Variants in USP31 observed in about 807,000 individuals in gnomAD.
The protein encoded by USP31 is ubiquitin carboxyl-terminal hydrolase 31.
In USP31, 44 loss-of-function variants were observed where a neutral mutation model predicts 119.4. That is an observed-to-expected ratio of 0.37 (90% CI 0.29 to 0.47). The LOEUF (loss-of-function observed/expected upper bound fraction) is 0.47. USP31 is among the 20% of genes least tolerant of loss of function. The probability of loss-of-function intolerance (pLI) is 0.99; values close to 1 mark genes in which losing one functional copy is unlikely to be tolerated. For synonymous variants in USP31, 749 were observed against 705.6 expected (o/e 1.06, Z -0.97); for missense variants, 1,643 against 1,730.2 (o/e 0.95, Z 0.89).
At chr16:23,112,165 T>G (rs1446766974) in intron 1 of USP31, among the ~76,000 whole-genome samples, 1 of 152,116 alleles carries the variant, frequency 6.6e-6, no homozygotes, top group Non-Finnish European at 1.5e-5. Context: ...CAGAAACAGG[T>G]ACACAAGGAG....
chr16:23,087,713 T>C lies in USP31; in HGVS notation c.1527+11A>G, dbSNP rs746406502. On this transcript the variant is annotated intron_variant, in intron 8 of 15. Transcript: ENST00000219689. ...CCCATGCTATGCTGGAATATCAAAATGCTTACAAACCTGAATGCAAACCGT... is the reference window on the plus strand; with the variant it reads ...CCCATGCTATGCTGGAATATCAAAACGCTTACAAACCTGAATGCAAACCGT... 2.5e-6 allele frequency: 4 copies of C among 1,612,174 alleles called. No homozygotes were observed. Among genetic ancestry groups the C allele is most frequent in the South Asian group, 1.1e-5 (1 of 91,024 alleles).
intron 1 of USP31, among the ~76,000 whole-genome samples, chr16:23,136,169 G>T (rs1024095082): frequency 5.9e-5 from 9 of 151,940 alleles, no homozygotes; most frequent in African/African-American, 2.2e-4. Flanking sequence ...GAATAAAGTT[G>T]GACCCTTACC....
intron 7 of USP31, among the ~76,000 whole-genome samples, chr16:23,089,499 T>C (rs918704769): frequency 1.3e-5 from 2 of 152,222 alleles, no homozygotes; most frequent in Non-Finnish European, 2.9e-5. Flanking sequence ...CCCAACACAC[T>C]GTAAACACTA....
At chr16:23,115,419 A>C (rs1283806337) in intron 1 of USP31, among the ~76,000 whole-genome samples, 1 of 152,236 alleles carries the variant, frequency 6.6e-6, no homozygotes, top group Non-Finnish European at 1.5e-5. Context: ...GCACGTTGGG[A>C]GGCCAAGGCA....
intron 1 of USP31, among the ~76,000 whole-genome samples, chr16:23,137,158 A>G (rs1245498302): frequency 6.6e-6 from 1 of 152,228 alleles, no homozygotes; most frequent in African/African-American, 2.4e-5. Context: ...GGATGCAGTG[A>G]GCCATTACTG....
chr16:23,067,871 T>C lies in USP31; in HGVS notation c.*175A>G, dbSNP rs922527547. The C allele has an allele frequency of 1.4e-5, 11 of 813,722 alleles. No individual in the cohort carries two copies. The highest frequency in any genetic ancestry group is 2.3e-5 in the South Asian group (1 of 44,098). 50.4% of individuals were successfully genotyped at this position (813,722 alleles called of 1,614,324 possible). ...TTCAATGGCAGAATAAGGCGACGCT[T>C]TGAACAATTTGCAATTGAATTAGAC... On this transcript the variant is annotated 3_prime_UTR_variant, in exon 16 of 16. Transcript: ENST00000219689.
At chr16:23,101,669 G>A (rs920897087) in intron 6 of USP31, among the ~76,000 whole-genome samples, 1 of 152,018 alleles carries the variant, frequency 6.6e-6, no homozygotes, top group Non-Finnish European at 1.5e-5. Flanking sequence ...TAACCACTGG[G>A]GTAGAGCAAA....
rs868656875 is a variant in USP31, at chr16:23,101,502, G to A, written c.1234+817C>T. 4.6e-5 allele frequency among the ~76,000 whole-genome samples: 7 copies of A among 152,246 alleles called. 1 individual carries two copies. The highest frequency in any genetic ancestry group is 3.4e-3 in the Middle Eastern group (1 of 294). The stretch of plus-strand genomic sequence containing the variant: ...GGAATTCAGCTCAAAAAATCAAGGC[G>A]TGGAAAATCCTGATAAGAGCGGCAG... On this transcript the variant is annotated intron_variant, in intron 6 of 15. Coordinates refer to ENST00000219689, the MANE Select transcript of USP31 (RefSeq NM_020718.4).
chr16:23,075,769 G>A (rs989107582), intron 13 of USP31, among the ~76,000 whole-genome samples: 1 of 152,172 alleles, frequency 6.6e-6, no homozygotes, highest in Non-Finnish European at 1.5e-5. Flanking sequence ...GCTAGAAACA[G>A]TGCAAAATAA....
chr16:23,097,393 C>A lies in USP31; in HGVS notation c.1234+4926G>T, dbSNP rs538620960. On this transcript the variant is annotated intron_variant, in intron 6 of 15. Coordinates refer to ENST00000219689, the MANE Select transcript of USP31 (RefSeq NM_020718.4). ...AGTCCAGGACCAGACGGATTCACAG[C>A]CAAATTCTAGGAGCTGGTACCATTC... 2.6e-5 allele frequency among the ~76,000 whole-genome samples: 4 copies of A among 151,270 alleles called. No individual in the cohort carries two copies. In the East Asian group the frequency reaches 7.8e-4, roughly 29 times the overall value.
chr16:23,133,063 A>G (rs189203930), intron 1 of USP31, among the ~76,000 whole-genome samples: 1 of 152,372 alleles, frequency 6.6e-6, no homozygotes, highest in East Asian at 1.9e-4. Flanking sequence ...CCCCTACAGT[A>G]TCACCCAAGA....
intron 1 of USP31, among the ~76,000 whole-genome samples, chr16:23,136,292 T>C (rs1903187996): frequency 6.6e-6 from 1 of 152,160 alleles, no homozygotes; most frequent in African/African-American, 2.4e-5. Context: ...GATTTGGCAA[T>C]GATCTATTGA....
At chr16:23,078,824 C>T (rs1449484678) in intron 13 of USP31, among the ~76,000 whole-genome samples, 1 of 152,078 alleles carries the variant, frequency 6.6e-6, no homozygotes, top group African/African-American at 2.4e-5. Flanking sequence ...AAGAGAAAAA[C>T]ACGTCAAGTA....
chr16:23,092,048 A>G (rs1300874869), intron 6 of USP31, among the ~76,000 whole-genome samples: 1 of 151,830 alleles, frequency 6.6e-6, no homozygotes, highest in Non-Finnish European at 1.5e-5. Context: ...CACAGAAATC[A>G]AGCTCTGTGT....
intron 7 of USP31, among the ~76,000 whole-genome samples, chr16:23,088,133 G>C (rs1011229469): frequency 2.0e-5 from 3 of 152,134 alleles, no homozygotes; most frequent in Non-Finnish European, 4.4e-5. Context: ...GGGTGGGAGT[G>C]GACATGAGCC....
At chr16:23,077,130 T>C (rs1900611003) in intron 13 of USP31, among the ~76,000 whole-genome samples, 1 of 152,236 alleles carries the variant, frequency 6.6e-6, no homozygotes, top group African/African-American at 2.4e-5. Flanking sequence ...ACTTTTGTCT[T>C]CTATGAAGTG....
At chr16:23,069,688 A>C in intron 15 of USP31, 72 bp from the exon 16 acceptor site, 1 of 1,505,796 alleles carries the variant, frequency 6.6e-7, no homozygotes, top group Non-Finnish European at 8.9e-7. Context: ...AAGACACTGA[A>C]GGTGAAACGA....
chr16:23,101,921 A>G lies in USP31; in HGVS notation c.1234+398T>C, dbSNP rs1567236129. On this transcript the variant is annotated intron_variant, in intron 6 of 15. Coordinates refer to ENST00000219689, the MANE Select transcript of USP31 (RefSeq NM_020718.4). The stretch of plus-strand genomic sequence containing the variant: ...ATTTCTTAAAAGCAGGTACCAAGAA[A>G]ACATTCTATAGCAAAAATGTTAGAA... 2.0e-5 allele frequency among the ~76,000 whole-genome samples: 3 copies of G among 151,700 alleles called. No individual in the cohort carries two copies. In the South Asian group the frequency reaches 6.3e-4, roughly 32 times the overall value.
At chr16:23,070,621 G>A (rs1900305479) in intron 15 of USP31, among the ~76,000 whole-genome samples, 1 of 152,008 alleles carries the variant, frequency 6.6e-6, no homozygotes, top group African/African-American at 2.4e-5. Flanking sequence ...GGCTGAGGCA[G>A]GAGAATGGCG....
Sources: gnomAD v4.1 joint callset for allele counts (sites outside exome capture counted in the v4.1 genomes callset) on GRCh38, gnomAD v4.1.1 for gene constraint, MANE v1.5 for transcripts, NCBI Gene and HGNC (gene_info 2026-07-23, HGNC 2026-07-21) for gene names.